CHMP2B: variants seen among roughly 807,000 people sequenced by gnomAD.
The protein encoded by CHMP2B is VPS2 homolog B.
Under a neutral mutation model 29.8 loss-of-function variants are expected in CHMP2B, and 22 were observed. That is an observed-to-expected ratio of 0.74 (90% CI 0.53 to 1.05). The LOEUF is 1.05. CHMP2B is among the 50% of genes least tolerant of loss of function. The pLI, the probability that CHMP2B is intolerant of heterozygous loss-of-function variation, is 0.00. For missense variants in CHMP2B, 261 were observed against 252.2 expected (o/e 1.03, Z -0.24); for synonymous variants, 78 against 75.8 (o/e 1.03, Z -0.15).
intron 2 of CHMP2B, 69 bp from the exon 3 acceptor site, chr3:87,245,645 C>A: frequency 7.7e-7 from 1 of 1,299,288 alleles, no homozygotes; most frequent in Non-Finnish European, 1.1e-6. Flanking sequence ...TAGATCTGTT[C>A]TTCTGAAATA....
intron 1 of CHMP2B, among the ~76,000 whole-genome samples, chr3:87,231,241 C>G (rs1705905369): frequency 6.6e-6 from 1 of 152,128 alleles, no homozygotes; most frequent in Non-Finnish European, 1.5e-5. Context: ...ACCTCAAACT[C>G]AAGACCCCAA....
intron 2 of CHMP2B, among the ~76,000 whole-genome samples, chr3:87,241,709 C>T (rs1706122303): frequency 6.6e-6 from 1 of 152,050 alleles, no homozygotes; most frequent in Non-Finnish European, 1.5e-5. Flanking sequence ...TGTTTACCAG[C>T]CAGTGGACAT....
chr3:87,248,077 C>T (rs1007410173), intron 3 of CHMP2B, among the ~76,000 whole-genome samples: 8 of 151,954 alleles, frequency 5.3e-5, no homozygotes, highest in African/African-American at 1.7e-4. Context: ...GTGGGCAGAT[C>T]AGTTGAGGCC....
At chr3:87,232,151 A>G (rs1401691574) in intron 1 of CHMP2B, among the ~76,000 whole-genome samples, 1 of 152,164 alleles carries the variant, frequency 6.6e-6, no homozygotes, top group Admixed American at 6.6e-5. Context: ...AGGTAATTTG[A>G]AGAACACTAC....
chr3:87,245,268 ACAGT>A (rs959098039), intron 2 of CHMP2B, among the ~76,000 whole-genome samples: 6 of 152,138 alleles, frequency 3.9e-5, no homozygotes, highest in Admixed American at 1.3e-4. Flanking sequence ...ATCTAATCCG[ACAGT>A]CTGTCTTACA....
chr3:87,253,752 C>T lies in CHMP2B; in HGVS notation c.572C>T (p.Ala191Val), dbSNP rs1185719298. The T allele has an allele frequency of 1.2e-6, 2 of 1,612,420 alleles. No individual in the cohort carries two copies. Among genetic ancestry groups the T allele is most frequent in the Admixed American group, 1.7e-5 (1 of 59,866 alleles). Residue 191 changes from alanine (A) to valine (V), a missense_variant, in exon 6 of 6, where the codon GCC (alanine) becomes GTC (valine). Transcript: ENST00000263780. ...TCAGCTGCTCGAAGCTTACCATCTG[C>T]CTCTACTTCAAAGGCTACAATCTCA... ...APSAARSLPS[A>V]STSKATISDE...
intron 1 of CHMP2B, among the ~76,000 whole-genome samples, chr3:87,233,651 A>G (rs919993057): frequency 1.3e-5 from 2 of 152,132 alleles, no homozygotes; most frequent in South Asian, 2.1e-4. Context: ...TCCCACTGAC[A>G]CTAGCTGTTA....
At chr3:87,240,617 C>A in intron 1 of CHMP2B, 82 bp from the exon 2 acceptor site, 1 of 1,000,266 alleles carries the variant, frequency 1.0e-6, no homozygotes, top group Non-Finnish European at 1.6e-6. Context: ...TTTTTTAAAT[C>A]ATGATCTGTG....
chr3:87,235,232 C>CATTAAAA (rs1429897345), intron 1 of CHMP2B, among the ~76,000 whole-genome samples: 6 of 152,152 alleles, frequency 3.9e-5, no homozygotes, highest in African/African-American at 1.2e-4. Context: ...GCTGTAAAAA[C>CATTAAAA]ATTAAAATTG....
chr3:87,227,535 T>G lies in CHMP2B; in HGVS notation c.13T>G (p.Phe5Val). ...GCAGTCTTTAACCATGGCGTCCCTC[T>G]TCAAGAAGAAAACCGTGGATGGTGA... MASL[F>V]KKKTVDDVIK... Residue 5 changes from phenylalanine (F) to valine (V), a missense_variant, in exon 1 of 6, where the codon TTC (phenylalanine) becomes GTC (valine). Transcript: ENST00000263780. 1.2e-6 allele frequency: 2 copies of G among 1,614,148 alleles called. No individual in the cohort carries two copies. Among genetic ancestry groups the G allele is most frequent in the Non-Finnish European group, 1.7e-6 (2 of 1,180,018 alleles).
Position 87,254,055 on chromosome 3 carries a change from T to A in CHMP2B, c.*233T>A. ...TTAGAACTGTTTAGGAGTGATGATG[T>A]GTAAAAAGTTGACTTCTCTTTTGCA... On this transcript the variant is annotated 3_prime_UTR_variant, in exon 6 of 6. Transcript: ENST00000263780. 1 of 412,792 alleles carries A rather than the reference T, an allele frequency of 2.4e-6. No homozygotes were observed. Among genetic ancestry groups the A allele is most frequent in the Non-Finnish European group, 4.5e-6 (1 of 223,362 alleles). The allele number at this position is 412,792 out of a possible 1,614,324, so 25.6% of individuals were successfully genotyped here.
Position 87,239,037 on chromosome 3 carries a change from T to TC in CHMP2B, c.35-1662_35-1661insC, listed in dbSNP as rs1706067331. On this transcript the variant is annotated intron_variant, in intron 1 of 5. Transcript: ENST00000263780. ...TTAGGACTAATGTTGTGGAGCACAC[T>TC]TTTTATGTGTTCATTGGCCATTTGT... Among the ~76,000 whole-genome samples the TC allele has an allele frequency of 3.3e-5, 5 of 152,292 alleles. No individual in the cohort carries two copies. The South Asian group carries it at 1.0e-3, about 32-fold the overall frequency.
rs113540199 is a variant in CHMP2B at position 87,229,925 on chromosome 3, G to C, written c.34+2369G>C. 1.1e-3 allele frequency among the ~76,000 whole-genome samples: 166 copies of C among 152,244 alleles called. 2 individuals are homozygous for C. The highest frequency in any genetic ancestry group is 3.9e-3 in the African/African-American group (162 of 41,562). On this transcript the variant is annotated intron_variant, in intron 1 of 5. Coordinates refer to ENST00000263780, the MANE Select transcript of CHMP2B (RefSeq NM_014043.4). Reference sequence around the variant, plus strand: ...TATGTTTAATTCATTTTGACACAAAGATGAACAAGTCTCTGCGGTGTATAC... The same window carrying C: ...TATGTTTAATTCATTTTGACACAAACATGAACAAGTCTCTGCGGTGTATAC...
chr3:87,247,282 G>A (rs1706231409), intron 3 of CHMP2B, among the ~76,000 whole-genome samples: 1 of 152,134 alleles, frequency 6.6e-6, no homozygotes, highest in South Asian at 2.1e-4. Context: ...ATATATAGCT[G>A]ATTTGCTCAT....
chr3:87,227,497 G>A lies in CHMP2B; in HGVS notation c.-26G>A. On this transcript the variant is annotated 5_prime_UTR_variant, in exon 1 of 6. Coordinates refer to ENST00000263780, the MANE Select transcript of CHMP2B (RefSeq NM_014043.4). Reference sequence around the variant, plus strand: ...GCGTTGGGCCGGACCGGGCCGAGCCGGGCCGCCCGGGCGCAGTCTTTAACC... The same window carrying A: ...GCGTTGGGCCGGACCGGGCCGAGCCAGGCCGCCCGGGCGCAGTCTTTAACC... 6.2e-7 allele frequency: 1 copy of A among 1,614,064 alleles called. No homozygotes were observed. Among genetic ancestry groups the A allele is most frequent in the Non-Finnish European group, 8.5e-7 (1 of 1,179,984 alleles).
intron 2 of CHMP2B, among the ~76,000 whole-genome samples, chr3:87,241,068 A>G (rs1158334788): frequency 6.6e-6 from 1 of 152,172 alleles, no homozygotes; most frequent in African/African-American, 2.4e-5. Flanking sequence ...ATTGCTCAAG[A>G]CAGAACCACC....
rs1296063724 is a variant in CHMP2B, at chr3:87,254,994, G to A, written c.*1172G>A. ...GGTATCTAATGAATGTGTAGACAGGGAGATAAAATGAAGGATTGCCAGACT... is the reference window on the plus strand; with the variant it reads ...GGTATCTAATGAATGTGTAGACAGGAAGATAAAATGAAGGATTGCCAGACT... On this transcript the variant is annotated 3_prime_UTR_variant, in exon 6 of 6. Transcript: ENST00000263780. The A allele has an allele frequency of 1.3e-5, 2 of 151,912 alleles. No homozygotes were observed. The highest frequency in any genetic ancestry group is 2.9e-5 in the Non-Finnish European group (2 of 67,896). 9.4% of individuals were successfully genotyped at this position (151,912 alleles called of 1,614,324 possible).
intron 1 of CHMP2B, among the ~76,000 whole-genome samples, chr3:87,233,831 A>G (rs1705948810): frequency 6.6e-6 from 1 of 152,208 alleles, no homozygotes; most frequent in Admixed American, 6.5e-5. Context: ...AAATCAATAG[A>G]TAAAAATGTA....
At chr3:87,235,002 A>G (rs540196354) in intron 1 of CHMP2B, among the ~76,000 whole-genome samples, 6 of 152,348 alleles carry the variant, frequency 3.9e-5, no homozygotes, top group African/African-American at 1.4e-4. Context: ...GACGTGTTAA[A>G]TATGCCTGTA....
Sources: allele counts gnomAD v4.1 joint callset (sites outside exome capture counted in the v4.1 genomes callset), GRCh38; gene constraint gnomAD v4.1.1; transcripts MANE v1.5; gene names NCBI Gene and HGNC (gene_info 2026-07-23, HGNC 2026-07-21).